Variants in MIR2052HG observed in about 807,000 individuals in gnomAD.
MIR2052HG encodes MIR2052 host gene.
chr8:74,604,069 A>G, intron 1 of MIR2052HG: 1 of 943,744 alleles, frequency 1.1e-6, no homozygotes, highest in Non-Finnish European at 1.8e-6. Flanking sequence ...AGCAAAAGTG[A>G]TAATTCTCTC....
At chr8:74,610,148 A>C (rs1563511409) in intron 1 of MIR2052HG, 1 of 151,930 alleles carries the variant, frequency 6.6e-6, no homozygotes, top group Non-Finnish European at 1.5e-5. Context: ...GGAATCTTCA[A>C]AAGATACTAG....
intron 4 of MIR2052HG, among the ~76,000 whole-genome samples, chr8:74,705,140 TA>T (rs1809397232): frequency 6.6e-6 from 1 of 151,980 alleles, no homozygotes; most frequent in Non-Finnish European, 1.5e-5. Context: ...TGACTACTGT[TA>T]ATGTCTGTCT....
At chr8:74,640,795 C>T (rs958694447) in intron 2 of MIR2052HG, among the ~76,000 whole-genome samples, 1 of 152,190 alleles carries the variant, frequency 6.6e-6, no homozygotes, top group Non-Finnish European at 1.5e-5. Flanking sequence ...CCACTTGAAA[C>T]CCTTTGCCCC....
intron 1 of MIR2052HG, among the ~76,000 whole-genome samples, chr8:74,600,098 T>G: frequency 6.6e-6 from 1 of 152,096 alleles, no homozygotes. Flanking sequence ...GTGCACGGTG[T>G]GCACAGCCAC....
At chr8:74,657,547 C>T (rs1349295341) in intron 2 of MIR2052HG, among the ~76,000 whole-genome samples, 2 of 152,156 alleles carry the variant, frequency 1.3e-5, no homozygotes, top group African/African-American at 2.4e-5. Context: ...TTTCACACTG[C>T]TGACAAAGAC....
At chr8:74,748,155 A>G (rs1209817666) in intron 4 of MIR2052HG, among the ~76,000 whole-genome samples, 1 of 152,232 alleles carries the variant, frequency 6.6e-6, no homozygotes, top group African/African-American at 2.4e-5. Flanking sequence ...CTAACGCTGA[A>G]GGATTGGAAT....
At chr8:74,736,113 C>G (rs1809742297) in intron 4 of MIR2052HG, among the ~76,000 whole-genome samples, 1 of 152,156 alleles carries the variant, frequency 6.6e-6, no homozygotes, top group Non-Finnish European at 1.5e-5. Flanking sequence ...AACCCACAAG[C>G]AGATTAAAGT....
chr8:74,698,645 TCAAACAAATCAGCAAGAACAAAC>T (rs1262463861), intron 2 of MIR2052HG, among the ~76,000 whole-genome samples: 1 of 152,082 alleles, frequency 6.6e-6, no homozygotes, highest in Non-Finnish European at 1.5e-5. Flanking sequence ...TACAAGGAAC[TCAAACAAATCAGCAAGAACAAAC>T]CAAACAATCC....
At chr8:74,701,722 C>G (rs1199403885) in intron 2 of MIR2052HG, among the ~76,000 whole-genome samples, 1 of 152,088 alleles carries the variant, frequency 6.6e-6, no homozygotes, top group African/African-American at 2.4e-5. Context: ...ATTTTGAAAT[C>G]AATTAGCCAA....
chr8:74,728,667 G>C (rs1273055661), intron 4 of MIR2052HG, among the ~76,000 whole-genome samples: 1 of 152,002 alleles, frequency 6.6e-6, no homozygotes, highest in East Asian at 1.9e-4. Context: ...AGGTTGCCCA[G>C]AAGAAATCAT....
intron 2 of MIR2052HG, among the ~76,000 whole-genome samples, chr8:74,643,086 T>A (rs1162147506): frequency 6.6e-6 from 1 of 152,224 alleles, no homozygotes; most frequent in African/African-American, 2.4e-5. Flanking sequence ...ATATGTCTGC[T>A]GTCTCTCTGG....
At chr8:74,684,871 G>C (rs1809163161) in intron 2 of MIR2052HG, among the ~76,000 whole-genome samples, 1 of 152,080 alleles carries the variant, frequency 6.6e-6, no homozygotes, top group African/African-American at 2.4e-5. Context: ...GGATTGGAGG[G>C]AATAATCTAA....
chr8:74,628,746 T>C (rs556946830), intron 2 of MIR2052HG: 2 of 152,298 alleles, frequency 1.3e-5, no homozygotes, highest in South Asian at 2.1e-4. Context: ...GAGTTGCAGT[T>C]AGAGAAATAT....
intron 2 of MIR2052HG, among the ~76,000 whole-genome samples, chr8:74,660,785 T>C (rs1457363570): frequency 6.6e-6 from 1 of 151,678 alleles, no homozygotes; most frequent in African/African-American, 2.4e-5. Context: ...AGTCACTCTC[T>C]TTATCTTCCT....
rs114387893 is a variant in MIR2052HG, at chr8:74,675,280, T to C, written n.217-27099T>C. Among the ~76,000 whole-genome samples, 514 of 152,172 alleles carry C rather than the reference T, an allele frequency of 3.4e-3. 3 individuals are homozygous for C. Among genetic ancestry groups the C allele is most frequent in the African/African-American group, 0.012 (488 of 41,558 alleles). On this transcript the variant is annotated intron_variant and non_coding_transcript_variant, in intron 2 of 6. Coordinates refer to ENST00000523442, the Ensembl canonical transcript of MIR2052HG. ...ACCAATCACCAATCAGAAATGTAGT[T>C]AGGCTTGTGATGGTTGCATCTGTGC...
At chr8:74,627,347 C>T (rs1808450684) in intron 2 of MIR2052HG, among the ~76,000 whole-genome samples, 2 of 152,162 alleles carry the variant, frequency 1.3e-5, no homozygotes, top group African/African-American at 4.8e-5. Context: ...AGCACATGAC[C>T]AATGGCTGAT....
At chr8:74,717,528 G>A (rs1000071982) in intron 4 of MIR2052HG, among the ~76,000 whole-genome samples, 28 of 152,268 alleles carry the variant, frequency 1.8e-4, no homozygotes, top group African/African-American at 6.3e-4. Context: ...ATAATTAAAA[G>A]TAATGCTAGC....
At chr8:74,737,322 T>C (rs1424979918) in intron 4 of MIR2052HG, among the ~76,000 whole-genome samples, 1 of 152,284 alleles carries the variant, frequency 6.6e-6, no homozygotes, top group Non-Finnish European at 1.5e-5. Flanking sequence ...GGGAAACTTA[T>C]GGGAGGTATT....
At chr8:74,689,437 T>G (rs1417141718) in intron 2 of MIR2052HG, among the ~76,000 whole-genome samples, 1 of 152,238 alleles carries the variant, frequency 6.6e-6, no homozygotes, top group Non-Finnish European at 1.5e-5. Context: ...TTTCAGAAGT[T>G]CATTTTGGTT....
Sources: allele counts gnomAD v4.1 joint callset (sites outside exome capture counted in the v4.1 genomes callset), GRCh38; gene constraint gnomAD v4.1.1; transcripts MANE v1.5; gene names NCBI Gene and HGNC (gene_info 2026-07-23, HGNC 2026-07-21).